ADARB2: variants seen among roughly 807,000 people sequenced by gnomAD.
ADARB2 encodes the protein adenosine deaminase RNA specific B2 (inactive).
A neutral mutation model predicts 62.2 loss-of-function variants in ADARB2; 25 were observed. The ratio of observed to expected loss-of-function variants is 0.40; its 90% confidence interval spans 0.29 to 0.56. The LOEUF (loss-of-function observed/expected upper bound fraction) is 0.56, where lower values mean the gene tolerates loss of function less well. ADARB2 is among the 20% of genes least tolerant of loss of function. ADARB2 has a pLI of 0.43. For synonymous variants in ADARB2, 572 were observed against 500.8 expected, an observed-to-expected ratio of 1.14 and a Z score of -1.90; for missense variants, 1,071 against 1,077.4, an observed-to-expected ratio of 0.99 and a Z score of 0.08.
intron 1 of ADARB2, among the ~76,000 whole-genome samples, chr10:1,455,568 G>A (rs931038006): frequency 6.6e-6 from 1 of 152,142 alleles, no homozygotes; most frequent in African/African-American, 2.4e-5. Flanking sequence ...AGGTATTGCT[G>A]TTTCTTTCTC....
chr10:1,616,616 G>A (rs1322819618), intron 1 of ADARB2, among the ~76,000 whole-genome samples: 3 of 127,402 alleles, frequency 2.4e-5, no homozygotes, highest in Non-Finnish European at 3.3e-5. Context: ...TCAGAGGGTT[G>A]CATTCTGTCG....
At chr10:1,683,526 C>G (rs1834565027) in intron 1 of ADARB2, among the ~76,000 whole-genome samples, 1 of 152,148 alleles carries the variant, frequency 6.6e-6, no homozygotes, top group South Asian at 2.1e-4. Flanking sequence ...GTCAAGGGGT[C>G]CGAAGCAGGG....
At chr10:1,446,164 T>C (rs184093133) in intron 1 of ADARB2, among the ~76,000 whole-genome samples, 254 of 152,354 alleles carry the variant, frequency 1.7e-3, no homozygotes, top group African/African-American at 5.9e-3. Flanking sequence ...GTTCTTCCAC[T>C]TTCTGGACAA....
At chr10:1,493,343 C>T (rs1302269240) in intron 1 of ADARB2, among the ~76,000 whole-genome samples, 4 of 152,032 alleles carry the variant, frequency 2.6e-5, no homozygotes, top group African/African-American at 4.8e-5. Flanking sequence ...AGCTTTGTTC[C>T]ATCTTTTTGT....
chr10:1,323,714 C>T (rs757852869), intron 3 of ADARB2, among the ~76,000 whole-genome samples: 5 of 151,736 alleles, frequency 3.3e-5, no homozygotes, highest in African/African-American at 9.7e-5. Flanking sequence ...AAAAAGTAAA[C>T]TGTAAATCCC....
intron 3 of ADARB2, among the ~76,000 whole-genome samples, chr10:1,295,206 T>C (rs1831512953): frequency 6.6e-6 from 1 of 152,118 alleles, no homozygotes; most frequent in Non-Finnish European, 1.5e-5. Context: ...GTTGGTTGGC[T>C]GATTGATGGG....
chr10:1,490,184 G>A (rs1220878995), intron 1 of ADARB2, among the ~76,000 whole-genome samples: 2 of 152,180 alleles, frequency 1.3e-5, no homozygotes, highest in Admixed American at 1.3e-4. Flanking sequence ...TTAGTGGAAG[G>A]CTTCACCCAG....
At chr10:1,550,238 C>G (rs1022284146) in intron 1 of ADARB2, among the ~76,000 whole-genome samples, 1 of 152,202 alleles carries the variant, frequency 6.6e-6, no homozygotes, top group Non-Finnish European at 1.5e-5. Flanking sequence ...GTTTTCCTCT[C>G]TGGGCCTCTG....
chr10:1,706,378 G>A (rs1217641169), intron 1 of ADARB2, among the ~76,000 whole-genome samples: 3 of 152,194 alleles, frequency 2.0e-5, no homozygotes, highest in Admixed American at 6.5e-5. Flanking sequence ...AGTAGAAGAG[G>A]TGAGCACCCC....
At chr10:1,600,378 A>T (rs1833394472) in intron 1 of ADARB2, among the ~76,000 whole-genome samples, 1 of 152,076 alleles carries the variant, frequency 6.6e-6, no homozygotes, top group Non-Finnish European at 1.5e-5. Context: ...TTCAAGCAGG[A>T]GGCCGGGCAC....
At chr10:1,470,350 C>T (rs1022668127) in intron 1 of ADARB2, among the ~76,000 whole-genome samples, 2 of 152,232 alleles carry the variant, frequency 1.3e-5, no homozygotes, top group Non-Finnish European at 2.9e-5. Flanking sequence ...TCCATATCCA[C>T]GCACAGCATA....
chr10:1,597,050 G>A (rs1227242528), intron 1 of ADARB2, among the ~76,000 whole-genome samples: 1 of 152,126 alleles, frequency 6.6e-6, no homozygotes, highest in Non-Finnish European at 1.5e-5. Flanking sequence ...TAGAACTACC[G>A]ACCACAGTAT....
chr10:1,438,200 T>C (rs1830855740), intron 1 of ADARB2, among the ~76,000 whole-genome samples: 1 of 151,202 alleles, frequency 6.6e-6, no homozygotes, highest in Admixed American at 6.6e-5. Context: ...AGGCAGGCCC[T>C]TCACGACAGG....
intron 1 of ADARB2, among the ~76,000 whole-genome samples, chr10:1,638,952 C>T (rs1458660655): frequency 6.6e-6 from 1 of 152,238 alleles, no homozygotes; most frequent in Admixed American, 6.5e-5. Flanking sequence ...GCTGCCTTGC[C>T]TGCACTCACA....
chr10:1,199,910 G>A (rs1836960749), intron 8 of ADARB2, 56 bp downstream of exon 8: 1 of 1,450,840 alleles, frequency 6.9e-7, no homozygotes. Flanking sequence ...GGGCACACCT[G>A]TGTCTGGCCT....
intron 1 of ADARB2, among the ~76,000 whole-genome samples, chr10:1,470,092 C>T (rs1364821526): frequency 2.0e-5 from 3 of 152,168 alleles, no homozygotes; most frequent in Admixed American, 2.0e-4. Flanking sequence ...CAGCCTGACC[C>T]TCTCCCAGGG....
chr10:1,672,664 G>GC (rs1834404545), intron 1 of ADARB2, among the ~76,000 whole-genome samples: 1 of 146,140 alleles, frequency 6.8e-6, no homozygotes, highest in Admixed American at 6.8e-5. Context: ...CAAGGCTCCT[G>GC]CCTCCCTCCA....
At chr10:1,574,778 TG>T in intron 1 of ADARB2, among the ~76,000 whole-genome samples, 1 of 152,176 alleles carries the variant, frequency 6.6e-6, no homozygotes, top group Admixed American at 6.5e-5. Flanking sequence ...ACTGAGGTCC[TG>T]GGGGTCAGAC....
At chr10:1,638,789 C>T (rs1034513442) in intron 1 of ADARB2, among the ~76,000 whole-genome samples, 4 of 152,174 alleles carry the variant, frequency 2.6e-5, no homozygotes, top group African/African-American at 9.7e-5. Context: ...CAGCTGGACC[C>T]GACGAGCTGG....
Sources: gnomAD v4.1 joint callset for allele counts (sites outside exome capture counted in the v4.1 genomes callset) on GRCh38, gnomAD v4.1.1 for gene constraint, MANE v1.5 for transcripts, NCBI Gene and HGNC (gene_info 2026-07-23, HGNC 2026-07-21) for gene names.